Variants in DIS3L2 observed in about 807,000 individuals in gnomAD.
The protein encoded by DIS3L2 is DIS3 like 3'-5' exoribonuclease 2, also known as DIS3-like exonuclease 2.
DIS3L2 carries 34 observed loss-of-function variants against 97.5 expected under a neutral mutation model. The observed-to-expected ratio is 0.35, with a 90% CI of 0.27 to 0.46. DIS3L2 has a LOEUF of 0.46. Ranked by LOEUF, DIS3L2 falls within the 20% of genes least tolerant of loss-of-function variation. DIS3L2 has a pLI of 1.00. For synonymous variants in DIS3L2, 435 were observed against 445.2 expected (o/e 0.98, Z 0.29); for missense variants, 1,038 against 1,146.0 (o/e 0.91, Z 1.36).
At chr2:232,257,815 A>G (rs1693605841) in intron 12 of DIS3L2, among the ~76,000 whole-genome samples, 1 of 152,208 alleles carries the variant, frequency 6.6e-6, no homozygotes, top group African/African-American at 2.4e-5. Context: ...TGTGTGTTTG[A>G]GACATACTTG....
At position 232,043,343 on chromosome 2, in the gene DIS3L2, A is replaced by G. The variant is rs188484504; in HGVS notation, c.366+13263A>G. On this transcript the variant is annotated intron_variant, in intron 5 of 20. Coordinates refer to ENST00000325385, the MANE Select transcript of DIS3L2 (RefSeq NM_152383.5). ...ATGGAGTCACTTCTGCTCATAGCTC[A>G]TTGGCAAGAACGAGTCACCTGACAC... Among the ~76,000 whole-genome samples, 11 of 152,262 alleles carry G rather than the reference A, an allele frequency of 7.2e-5. No homozygotes were observed. In the East Asian group the frequency reaches 1.9e-3, roughly 27 times the overall value.
chr2:232,264,723 G>A (rs1693810581), intron 13 of DIS3L2, among the ~76,000 whole-genome samples: 1 of 152,236 alleles, frequency 6.6e-6, no homozygotes, highest in East Asian at 1.9e-4. Flanking sequence ...CCTTCTGATT[G>A]AAGTTCTGAT....
chr2:232,329,785 T>TCCCGGGGGGCGC, intron 14 of DIS3L2, 28 bp from the exon 15 acceptor site: 1 of 967,144 alleles, frequency 1.0e-6, no homozygotes, highest in Non-Finnish European at 1.5e-6. Context: ...ACCCCAGCGG[T>TCCCGGGGGGCGC]CCCTCCCATC....
chr2:231,972,694 C>T (rs575670175), intron 1 of DIS3L2, among the ~76,000 whole-genome samples: 10 of 152,244 alleles, frequency 6.6e-5, no homozygotes, highest in African/African-American at 2.4e-4. Context: ...CAGGTGTGTG[C>T]CACCAGGCCT....
chr2:232,181,871 C>T (rs556113946), intron 9 of DIS3L2, among the ~76,000 whole-genome samples: 6 of 152,174 alleles, frequency 3.9e-5, no homozygotes, highest in South Asian at 2.1e-4. Context: ...AGGTTGGTCT[C>T]GAGCGCCTGA....
At chr2:232,072,747 T>C (rs1332134109) in intron 5 of DIS3L2, among the ~76,000 whole-genome samples, 1 of 150,462 alleles carries the variant, frequency 6.6e-6, no homozygotes, top group East Asian at 2.0e-4. Context: ...GCAATGAAGG[T>C]AGAGCTGACA....
At chr2:232,186,309 C>CT (rs1181424086) in intron 9 of DIS3L2, among the ~76,000 whole-genome samples, 1 of 152,186 alleles carries the variant, frequency 6.6e-6, no homozygotes, top group African/African-American at 2.4e-5. Flanking sequence ...AATTCAACAT[C>CT]TTAGAAGAGA....
At chr2:232,323,990 C>T (rs1208474994) in intron 14 of DIS3L2, among the ~76,000 whole-genome samples, 3 of 152,220 alleles carry the variant, frequency 2.0e-5, no homozygotes, top group Non-Finnish European at 2.9e-5. Flanking sequence ...TTTCCCTCCC[C>T]AGCAGCCTGC....
At chr2:232,182,985 G>A (rs981134453) in intron 9 of DIS3L2, among the ~76,000 whole-genome samples, 6 of 152,094 alleles carry the variant, frequency 3.9e-5, no homozygotes, top group Non-Finnish European at 5.9e-5. Flanking sequence ...CTCTAAGTTC[G>A]TAGGTTGAAA....
intron 13 of DIS3L2, among the ~76,000 whole-genome samples, chr2:232,273,958 C>G (rs765133350): frequency 6.6e-6 from 1 of 152,176 alleles, no homozygotes; most frequent in Non-Finnish European, 1.5e-5. Context: ...CTGATCAGAA[C>G]CTATTTTTGC....
At chr2:232,132,348 A>G (rs1417773493) in intron 7 of DIS3L2, among the ~76,000 whole-genome samples, 2 of 152,230 alleles carry the variant, frequency 1.3e-5, no homozygotes, top group African/African-American at 4.8e-5. Flanking sequence ...CGTGCTGTCA[A>G]ACATTAAAAC....
chr2:232,311,197 A>G (rs1042850520), intron 14 of DIS3L2, among the ~76,000 whole-genome samples: 1 of 152,238 alleles, frequency 6.6e-6, no homozygotes, highest in African/African-American at 2.4e-5. Flanking sequence ...CTGGCCACAG[A>G]CCAGTCACAT....
intron 10 of DIS3L2, among the ~76,000 whole-genome samples, chr2:232,213,298 C>G (rs1295991274): frequency 1.3e-5 from 2 of 152,092 alleles, no homozygotes; most frequent in African/African-American, 4.8e-5. Flanking sequence ...GCCTACTGCA[C>G]CAGGTGATCA....
At chr2:231,961,945 C>T (rs1184578393) in intron 1 of DIS3L2, among the ~76,000 whole-genome samples, 180 bp downstream of exon 1, 2 of 152,220 alleles carry the variant, frequency 1.3e-5, no homozygotes, top group Non-Finnish European at 2.9e-5. Context: ...CTTCCCTGTC[C>T]CGCATCTCCC....
Position 232,343,407 on chromosome 2 carries a change from T to C in DIS3L2, c.1644T>C (p.Asp548=), listed in dbSNP as rs142369101. The C allele has an allele frequency of 1.1e-4, 171 of 1,556,800 alleles. No individual in the cohort carries two copies. Among genetic ancestry groups the C allele is most frequent in the Non-Finnish European group, 1.3e-4 (153 of 1,150,398 alleles). Residue 548 remains aspartate, a synonymous_variant, in exon 14 of 14, where the codon GAT becomes GAC. Coordinates refer to the DIS3L2 transcript ENST00000273009. ...CCTCTCACAGCCCCTCTGCTGAAGA[T>C]GCAGAAGCACAGCCCTCCACAGAGG...
At chr2:232,335,595 A>G (rs1000404998) in intron 19 of DIS3L2, 178 bp from the exon 20 acceptor site, 26 of 659,696 alleles carry the variant, frequency 3.9e-5, no homozygotes, top group African/African-American at 3.7e-4. Flanking sequence ...GGTCACTCTC[A>G]CCTGCTGCCT....
chr2:232,336,768 G>T lies in DIS3L2; in HGVS notation c.*138G>T. ...TTGTTTTTATTTTTATTTAATTTTT[G>T]CAGCTCAACTTTTAAACAAACTGCA... On this transcript the variant is annotated 3_prime_UTR_variant, in exon 21 of 21. Coordinates refer to ENST00000325385, the MANE Select transcript of DIS3L2 (RefSeq NM_152383.5). 6.8e-7 allele frequency: 1 copy of T among 1,480,410 alleles called. No individual in the cohort carries two copies. The allele number at this position is 1,480,410 out of a possible 1,614,324, so 91.7% of individuals were successfully genotyped here. A position where few individuals can be genotyped will look rare whatever the true frequency, so the allele number is the denominator to read the frequency against.
At chr2:231,966,264 G>A (rs1692711397) in intron 1 of DIS3L2, among the ~76,000 whole-genome samples, 1 of 151,818 alleles carries the variant, frequency 6.6e-6, no homozygotes, top group South Asian at 2.1e-4. Flanking sequence ...CGCCTTGTGG[G>A]CTGAAGTGAT....
intron 1 of DIS3L2, among the ~76,000 whole-genome samples, chr2:232,011,097 C>A (rs1049814301): frequency 1.3e-5 from 2 of 152,108 alleles, no homozygotes; most frequent in Non-Finnish European, 2.9e-5. Flanking sequence ...CATTATTGAC[C>A]GCTATTGCCT....
Sources: gnomAD v4.1 joint callset for allele counts (sites outside exome capture counted in the v4.1 genomes callset) on GRCh38, gnomAD v4.1.1 for gene constraint, MANE v1.5 for transcripts, NCBI Gene and HGNC (gene_info 2026-07-23, HGNC 2026-07-21) for gene names.